Variants in CAMTA1 observed in about 807,000 individuals in gnomAD.
The protein encoded by CAMTA1 is calmodulin-binding transcription activator 1.
CAMTA1 carries 27 observed loss-of-function variants against 170.9 expected under a neutral mutation model. That is an observed-to-expected ratio of 0.16 (90% CI 0.12 to 0.22). The LOEUF is 0.22. Ranked by LOEUF, CAMTA1 falls within the 10% of genes least tolerant of loss-of-function variation. CAMTA1 has a pLI of 1.00. For synonymous variants in CAMTA1, 833 were observed against 891.5 expected, an observed-to-expected ratio of 0.93 and a Z score of 1.17; for missense variants, 1,619 against 2,217.2, an observed-to-expected ratio of 0.73 and a Z score of 5.42.
intron 3 of CAMTA1, among the ~76,000 whole-genome samples, chr1:6,851,470 T>C (rs1660333024): frequency 6.6e-6 from 1 of 152,206 alleles, no homozygotes. Context: ...GGAGGAGTGC[T>C]GCAGAAGCAG....
chr1:7,446,859 T>C (rs549024951), intron 5 of CAMTA1, among the ~76,000 whole-genome samples: 2 of 152,302 alleles, frequency 1.3e-5, no homozygotes, highest in African/African-American at 4.8e-5. Context: ...ACAGCCCGGT[T>C]GTTCCTTGTA....
At chr1:7,316,491 G>T (rs1032060040) in intron 5 of CAMTA1, among the ~76,000 whole-genome samples, 1 of 152,154 alleles carries the variant, frequency 6.6e-6, no homozygotes, top group Non-Finnish European at 1.5e-5. Flanking sequence ...CTTGACGCAC[G>T]GTAAGTACTC....
At chr1:7,615,739 G>A (rs1445846981) in intron 6 of CAMTA1, among the ~76,000 whole-genome samples, 1 of 152,216 alleles carries the variant, frequency 6.6e-6, no homozygotes. Context: ...GGGGCCATGG[G>A]GGAGGTACCA....
chr1:7,469,913 C>T (rs1031413423), intron 6 of CAMTA1, among the ~76,000 whole-genome samples: 2 of 152,220 alleles, frequency 1.3e-5, no homozygotes, highest in African/African-American at 2.4e-5. Context: ...GCTCTCTGCC[C>T]CAGCCCTCCC....
At chr1:7,576,225 G>T (rs1162287294) in intron 6 of CAMTA1, among the ~76,000 whole-genome samples, 1 of 152,106 alleles carries the variant, frequency 6.6e-6, no homozygotes, top group Non-Finnish European at 1.5e-5. Context: ...GGCCAGGCTG[G>T]TCTCCAACTC....
chr1:7,356,814 T>C (rs1040175889), intron 5 of CAMTA1, among the ~76,000 whole-genome samples: 1 of 152,214 alleles, frequency 6.6e-6, no homozygotes, highest in African/African-American at 2.4e-5. Context: ...CGAGGACAAA[T>C]TACTTAACTT....
At chr1:7,498,117 T>C (rs1298243651) in intron 6 of CAMTA1, among the ~76,000 whole-genome samples, 1 of 151,990 alleles carries the variant, frequency 6.6e-6, no homozygotes, top group East Asian at 1.9e-4. Flanking sequence ...GGAGGAAACG[T>C]CCCCTGCTCA....
At chr1:7,659,556 A>G (rs1558072895) in intron 7 of CAMTA1, among the ~76,000 whole-genome samples, 1 of 152,064 alleles carries the variant, frequency 6.6e-6, no homozygotes, top group Non-Finnish European at 1.5e-5. Flanking sequence ...AAGAAAAGAA[A>G]AACCATCAGA....
chr1:7,288,486 A>G (rs1240274305), intron 5 of CAMTA1, among the ~76,000 whole-genome samples: 1 of 152,166 alleles, frequency 6.6e-6, no homozygotes, highest in Non-Finnish European at 1.5e-5. Context: ...GTTCAACCAC[A>G]CTGGTTGAGT....
chr1:6,995,226 T>TATTTGTTG (rs1697011774), intron 3 of CAMTA1, among the ~76,000 whole-genome samples: 1 of 151,948 alleles, frequency 6.6e-6, no homozygotes, highest in Non-Finnish European at 1.5e-5. Flanking sequence ...GGCCAGTCAT[T>TATTTGTTG]ATTTGTTGCA....
chr1:7,190,254 AC>A (rs1291675986), intron 4 of CAMTA1, among the ~76,000 whole-genome samples: 1 of 152,178 alleles, frequency 6.6e-6, no homozygotes, highest in East Asian at 1.9e-4. Flanking sequence ...GTAACCAAAT[AC>A]CACCTGTTCC....
At chr1:6,849,977 A>G (rs1267183242) in intron 3 of CAMTA1, among the ~76,000 whole-genome samples, 3 of 151,290 alleles carry the variant, frequency 2.0e-5, no homozygotes, top group Admixed American at 6.6e-5. Context: ...GGAGGTTGCA[A>G]TGAGCCGAGA....
At chr1:7,244,160 T>G (rs1574152869) in intron 4 of CAMTA1, among the ~76,000 whole-genome samples, 1 of 152,130 alleles carries the variant, frequency 6.6e-6, no homozygotes, top group African/African-American at 2.4e-5. Context: ...TCACTGGCCA[T>G]CAGAGAAATG....
intron 1 of CAMTA1, among the ~76,000 whole-genome samples, chr1:6,818,064 C>T (rs1281612470): frequency 2.6e-5 from 4 of 152,094 alleles, no homozygotes; most frequent in Non-Finnish European, 5.9e-5. Flanking sequence ...AACTCAGGCG[C>T]GGTGGGTCAT....
At chr1:7,376,025 A>T (rs2086819610) in intron 5 of CAMTA1, among the ~76,000 whole-genome samples, 1 of 152,170 alleles carries the variant, frequency 6.6e-6, no homozygotes, top group Non-Finnish European at 1.5e-5. Flanking sequence ...CGCTTCCCTC[A>T]GACTAAGAGC....
intron 4 of CAMTA1, among the ~76,000 whole-genome samples, chr1:7,193,897 C>T (rs1469282212): frequency 6.6e-6 from 1 of 152,216 alleles, no homozygotes; most frequent in Non-Finnish European, 1.5e-5. Context: ...CCATTAATGT[C>T]TCCCACCATC....
At chr1:6,785,635 G>C in intron 1 of CAMTA1, 60 bp downstream of exon 1, 44 of 952,658 alleles carry the variant, frequency 4.6e-5, no homozygotes, top group Non-Finnish European at 5.5e-5. Context: ...ACCCGGCCCC[G>C]CCGGACATCC....
At chr1:6,909,261 C>CAGT (rs1679209845) in intron 3 of CAMTA1, among the ~76,000 whole-genome samples, 1 of 152,228 alleles carries the variant, frequency 6.6e-6, no homozygotes, top group African/African-American at 2.4e-5. Flanking sequence ...TCACCTAATA[C>CAGT]TACTTAATAA....
At position 7,665,083 on chromosome 1, in the gene CAMTA1, A is replaced by G; in HGVS notation, c.2536A>G (p.Met846Val). Reference protein sequence around the residue: ...SEGGASTMAYMHVAEVVSAAS... With the variant: ...SEGGASTMAYVHVAEVVSAAS... ...GGGCGGGGCCAGCACCATGGCCTAC[A>G]TGCACGTCGCCGAGGTGGTCTCGGC... Residue 846 changes from methionine (M) to valine (V), a missense_variant, in exon 9 of 23, where the codon ATG becomes GTG. By Grantham distance (21) the Met-to-Val change is conservative (BLOSUM62 1). Coordinates refer to ENST00000303635, the MANE Select transcript of CAMTA1 (RefSeq NM_015215.4). This position sits in a 1 kb window ranked among gnomAD's most constrained non-coding sequence, Gnocchi z 4.3. 1.3e-6 allele frequency: 2 copies of G among 1,552,250 alleles called. No homozygotes were observed. The highest frequency in any genetic ancestry group is 8.7e-7 in the Non-Finnish European group (1 of 1,149,376).
Sources: gnomAD v4.1 joint callset for allele counts (sites outside exome capture counted in the v4.1 genomes callset) on GRCh38, gnomAD v4.1.1 for gene constraint, Gnocchi (gnomAD v3.1) non-coding constraint, MANE v1.5 for transcripts, NCBI Gene and HGNC (gene_info 2026-07-23, HGNC 2026-07-21) for gene names.